The following MEGF6 variants were observed in gnomAD, a reference collection of about 807,000 sequenced individuals.
MEGF6 encodes the protein multiple epidermal growth factor-like domains protein 6.
MEGF6 carries 184 observed loss-of-function variants against 207.1 expected under a neutral mutation model. That is an observed-to-expected ratio of 0.89 (90% CI 0.79 to 1.00). MEGF6 has a LOEUF of 1.00. MEGF6 is among the 50% of genes least tolerant of loss of function. The pLI, the probability that MEGF6 is intolerant of heterozygous loss-of-function variation, is 0.00. For synonymous variants in MEGF6, 1,038 were observed against 910.0 expected (o/e 1.14, Z -2.53); for missense variants, 2,282 against 2,202.9 (o/e 1.04, Z -0.72).
chr1:3,497,475 TG>T, intron 26 of MEGF6, 114 bp from the exon 27 acceptor site: 1 of 1,288,104 alleles, frequency 7.8e-7, no homozygotes, highest in Non-Finnish European at 1.0e-6. Context: ...CTGGCTGAAC[TG>T]GGGGCTGTGC....
At chr1:3,518,762 T>C (rs1483595565) in intron 5 of MEGF6, among the ~76,000 whole-genome samples, 3 of 152,210 alleles carry the variant, frequency 2.0e-5, no homozygotes, top group East Asian at 3.9e-4. Context: ...TTGAGTCTCC[T>C]GCCACGTGTG....
chr1:3,602,439 T>A, intron 2 of MEGF6, 27 bp downstream of exon 2: 4 of 1,612,288 alleles, frequency 2.5e-6, no homozygotes, highest in Non-Finnish European at 3.4e-6. Flanking sequence ...ATGGAGCCCC[T>A]CCCCCAACAC....
rs775836197 is a variant in MEGF6, at chr1:3,556,884, G to A, written c.481+22941C>T. 6.6e-6 allele frequency among the ~76,000 whole-genome samples: 1 copy of A among 152,224 alleles called. No individual in the cohort carries two copies. The highest frequency in any genetic ancestry group is 2.4e-5 in the African/African-American group (1 of 41,462). On this transcript the variant is annotated intron_variant, in intron 4 of 36. Coordinates refer to ENST00000356575, the MANE Select transcript of MEGF6 (RefSeq NM_001409.4). This position sits in a 1 kb window ranked among gnomAD's most constrained non-coding sequence, Gnocchi z 4.4. ...GCTGCCTCATGGTACAGGGGAGCCA[G>A]GGCTGTGGAAAGAACGAAGGCAGCC...
At chr1:3,557,527 C>T (rs997875481) in intron 4 of MEGF6, among the ~76,000 whole-genome samples, 2 of 152,224 alleles carry the variant, frequency 1.3e-5, no homozygotes, top group African/African-American at 4.8e-5. Context: ...TATCTCTGCG[C>T]CTGCAGCTCA....
At position 3,524,239 on chromosome 1, in the gene MEGF6, G is replaced by A. The variant is rs766762350; in HGVS notation, c.489C>T (p.Asp163=). The change falls in exon 5 of 37, where the codon GAC becomes GAT. Residue 163 remains aspartate, a synonymous_variant. Coordinates refer to ENST00000356575, the MANE Select transcript of MEGF6 (RefSeq NM_001409.4). ...FQGPRCQYDV[D]ECRTHNGGCQ... ...AGCCACCGTTGTGGGTTCGGCATTC[G>A]TCCACATCTGAGCAGGAATGGGGAA... 44 of 1,611,582 alleles carry A rather than the reference G, an allele frequency of 2.7e-5. No individual in the cohort carries two copies. In the East Asian group the frequency reaches 7.6e-4, roughly 28 times the overall value.
intron 4 of MEGF6, 87 bp downstream of exon 4, chr1:3,579,737 TG>T: frequency 3.3e-6 from 3 of 909,180 alleles, no homozygotes; most frequent in Non-Finnish European, 4.7e-6. Context: ...ACAGCTGTGC[TG>T]GGGACGGCCA....
chr1:3,581,516 G>A (rs1643797944), intron 3 of MEGF6, among the ~76,000 whole-genome samples: 2 of 152,202 alleles, frequency 1.3e-5, no homozygotes, highest in South Asian at 4.1e-4. Context: ...ACCAACCCGG[G>A]GCCCAGTAAC....
intron 30 of MEGF6, 88 bp from the exon 31 acceptor site, chr1:3,494,829 C>G (rs138896301): frequency 6.9e-7 from 1 of 1,448,794 alleles, no homozygotes; most frequent in Admixed American, 2.6e-5. Flanking sequence ...GACAGTCACT[C>G]GGTAAATGCT....
chr1:3,569,365 A>G (rs1643435880), intron 4 of MEGF6, among the ~76,000 whole-genome samples: 1 of 152,216 alleles, frequency 6.6e-6, no homozygotes, highest in African/African-American at 2.4e-5. Flanking sequence ...CAAGTCCATC[A>G]CTGACTCCAA....
At chr1:3,521,525 A>T (rs141023588) in intron 5 of MEGF6, among the ~76,000 whole-genome samples, 1 of 152,238 alleles carries the variant, frequency 6.6e-6, no homozygotes, top group Non-Finnish European at 1.5e-5. Flanking sequence ...TCAGGCCCAC[A>T]GTCTGGCTGG....
At chr1:3,535,720 G>A (rs908453052) in intron 4 of MEGF6, among the ~76,000 whole-genome samples, 2 of 152,210 alleles carry the variant, frequency 1.3e-5, no homozygotes, top group Non-Finnish European at 2.9e-5. Context: ...ACATTCTCCT[G>A]GGGTTTCGCT....
intron 3 of MEGF6, among the ~76,000 whole-genome samples, chr1:3,591,756 T>G (rs12047815): frequency 0.11 from 10,756 of 94,038 alleles, 1,371 homozygotes; most frequent in African/African-American, 0.22. Context: ...AAGGGGGCTG[T>G]TGGGGGCTGC....
intron 1 of MEGF6, among the ~76,000 whole-genome samples, chr1:3,609,934 C>G (rs1185333010): frequency 6.6e-6 from 1 of 152,212 alleles, no homozygotes; most frequent in Non-Finnish European, 1.5e-5. Context: ...CTCTGGGGAG[C>G]CTATGCCCCT....
chr1:3,494,398 CG>C lies in MEGF6; in HGVS notation c.4101del (p.Gly1368AlafsTer150). 1 of 1,552,268 alleles carries C rather than the reference CG, an allele frequency of 6.4e-7. No homozygotes were observed. On this transcript the variant is annotated frameshift_variant, in exon 32 of 37. Coordinates refer to ENST00000356575, the MANE Select transcript of MEGF6 (RefSeq NM_001409.4). LOFTEE classifies it high-confidence loss of function. The part of the protein sequence containing the change: ...EPATGTCRCG[P>X]GFYGQACEHP... Reference sequence around the variant, plus strand: ...TGCTCGCAGGCCTGGCCATAGAAGCCGGGGCCGCAGCGGCAGGTGCCCGTGG... The same window carrying C: ...TGCTCGCAGGCCTGGCCATAGAAGCCGGGCCGCAGCGGCAGGTGCCCGTGG...
chr1:3,537,736 C>T (rs1388269876), intron 4 of MEGF6, among the ~76,000 whole-genome samples: 4 of 152,208 alleles, frequency 2.6e-5, no homozygotes, highest in African/African-American at 9.6e-5. Flanking sequence ...GCCCTGGGCA[C>T]ACGCATTGGT....
At chr1:3,493,627 C>T (rs908973495) in intron 34 of MEGF6, 144 bp downstream of exon 34, 3 of 1,171,882 alleles carry the variant, frequency 2.6e-6, no homozygotes, top group Non-Finnish European at 3.6e-6. Flanking sequence ...TCCAGCCCCC[C>T]CAGGGGGCAC....
At chr1:3,592,163 T>C (rs1229804185) in intron 3 of MEGF6, among the ~76,000 whole-genome samples, 2 of 152,050 alleles carry the variant, frequency 1.3e-5, no homozygotes, top group African/African-American at 4.8e-5. Flanking sequence ...GAGCAGCCGG[T>C]CTAGAGAGAG....
At chr1:3,597,085 C>T (rs1333338538) in intron 2 of MEGF6, among the ~76,000 whole-genome samples, 2 of 152,236 alleles carry the variant, frequency 1.3e-5, no homozygotes, top group South Asian at 2.1e-4. Context: ...GAGGACCGCC[C>T]ACTCATTGCC....
intron 31 of MEGF6, 52 bp downstream of exon 31, chr1:3,494,561 C>T: frequency 6.4e-7 from 1 of 1,562,420 alleles, no homozygotes; most frequent in Non-Finnish European, 8.6e-7. Context: ...TATGGCAGCC[C>T]AGGGCACCTC....
Sources: gnomAD v4.1 joint callset for allele counts (sites outside exome capture counted in the v4.1 genomes callset) on GRCh38, gnomAD v4.1.1 for gene constraint, Gnocchi (gnomAD v3.1) non-coding constraint, MANE v1.5 for transcripts, NCBI Gene and HGNC (gene_info 2026-07-23, HGNC 2026-07-21) for gene names.